The following FBLN5 variants were observed in gnomAD, a reference collection of about 807,000 sequenced individuals.
FBLN5 encodes the protein fibulin 5, also known as fibulin-5.
FBLN5 carries 24 observed loss-of-function variants against 61.6 expected under a neutral mutation model. That is an observed-to-expected ratio of 0.39 (90% CI 0.28 to 0.55). FBLN5 has a LOEUF of 0.55. Ranked by LOEUF, FBLN5 falls within the 20% of genes least tolerant of loss-of-function variation. FBLN5 has a pLI of 0.65. For missense variants in FBLN5, 470 were observed against 594.1 expected, an observed-to-expected ratio of 0.79 and a Z score of 2.17; for synonymous variants, 213 against 219.8, an observed-to-expected ratio of 0.97 and a Z score of 0.27.
chr14:91,906,890 A>G (rs927456466), intron 4 of FBLN5, among the ~76,000 whole-genome samples: 6 of 152,236 alleles, frequency 3.9e-5, no homozygotes, highest in African/African-American at 1.2e-4. Context: ...ATTCAAAGAT[A>G]AATGACACAC....
chr14:91,942,991 C>T (rs904145472), intron 1 of FBLN5, 30 bp from the exon 2 acceptor site: 20 of 1,461,990 alleles, frequency 1.4e-5, no homozygotes, highest in Non-Finnish European at 1.9e-5. Context: ...AATATAAATG[C>T]CCAAGACAGA....
intron 1 of FBLN5, chr14:91,946,681 T>C (rs1381304931): frequency 6.6e-7 from 1 of 1,510,702 alleles, no homozygotes. Flanking sequence ...AATTGCAATT[T>C]CCTTAAAGAA....
chr14:91,917,126 G>A (rs909581580), intron 4 of FBLN5, among the ~76,000 whole-genome samples: 7 of 152,154 alleles, frequency 4.6e-5, no homozygotes, highest in South Asian at 4.2e-4. Flanking sequence ...AGCTGCCAGC[G>A]GCCTCCACTT....
chr14:91,907,297 T>G (rs1469226614), intron 4 of FBLN5, among the ~76,000 whole-genome samples: 3 of 152,178 alleles, frequency 2.0e-5, no homozygotes, highest in Non-Finnish European at 4.4e-5. Context: ...AGCAGCCATT[T>G]TGGAACCAGA....
intron 4 of FBLN5, among the ~76,000 whole-genome samples, chr14:91,909,368 C>T (rs1181296510): frequency 6.6e-6 from 1 of 152,134 alleles, no homozygotes; most frequent in Non-Finnish European, 1.5e-5. Context: ...GTGCCTAATA[C>T]AGAATATTAA....
intron 4 of FBLN5, among the ~76,000 whole-genome samples, chr14:91,914,018 A>T (rs1258177585): frequency 6.6e-6 from 1 of 152,238 alleles, no homozygotes; most frequent in Non-Finnish European, 1.5e-5. Context: ...AGAAAGGCTT[A>T]CAGTTAATGA....
chr14:91,921,927 G>A (rs1481774725), intron 4 of FBLN5, among the ~76,000 whole-genome samples: 2 of 152,192 alleles, frequency 1.3e-5, no homozygotes, highest in African/African-American at 4.8e-5. Context: ...CCTAAAGCTG[G>A]CGGGCCCACA....
At chr14:91,909,286 C>T (rs966909728) in intron 4 of FBLN5, among the ~76,000 whole-genome samples, 30 of 152,290 alleles carry the variant, frequency 2.0e-4, no homozygotes, top group African/African-American at 6.5e-4. Flanking sequence ...AAACACTAGC[C>T]TAGCCATAAG....
chr14:91,922,925 C>G (rs906409013), intron 4 of FBLN5, among the ~76,000 whole-genome samples: 3 of 152,180 alleles, frequency 2.0e-5, no homozygotes, highest in Non-Finnish European at 4.4e-5. Context: ...CTAAAGGAGA[C>G]TTTGACCAGG....
chr14:91,884,779 C>T (rs138355084), intron 7 of FBLN5, among the ~76,000 whole-genome samples: 111 of 152,344 alleles, frequency 7.3e-4, no homozygotes, highest in African/African-American at 2.4e-3. Flanking sequence ...AGATGGAGAG[C>T]GTAGCACCTA....
chr14:91,883,454 G>A (rs1464369609), intron 7 of FBLN5, among the ~76,000 whole-genome samples: 1 of 151,868 alleles, frequency 6.6e-6, no homozygotes, highest in African/African-American at 2.4e-5. Context: ...TTGCCCACTG[G>A]GATTTTCTGG....
intron 4 of FBLN5, among the ~76,000 whole-genome samples, chr14:91,912,809 CAA>C (rs200501822): frequency 5.9e-4 from 55 of 93,014 alleles, no homozygotes; most frequent in Admixed American, 8.5e-4. Flanking sequence ...GACTCTGACT[CAA>C]AAAAAAAAAA....
At chr14:91,886,832 G>A (rs1889748437) in intron 7 of FBLN5, among the ~76,000 whole-genome samples, 1 of 152,106 alleles carries the variant, frequency 6.6e-6, no homozygotes, top group African/African-American at 2.4e-5. Flanking sequence ...CCCTCTGTAA[G>A]TACTTTCTGT....
intron 4 of FBLN5, among the ~76,000 whole-genome samples, chr14:91,904,152 G>A (rs1184390418): frequency 6.6e-6 from 1 of 152,162 alleles, no homozygotes; most frequent in Admixed American, 6.5e-5. Flanking sequence ...AGCAGGAAAA[G>A]GGCCTTATTC....
intron 4 of FBLN5, among the ~76,000 whole-genome samples, chr14:91,930,582 A>G (rs1475289352): frequency 6.6e-6 from 1 of 152,174 alleles, no homozygotes; most frequent in Non-Finnish European, 1.5e-5. Flanking sequence ...TCTCAGCCTG[A>G]GGACTGAGTT....
At chr14:91,934,008 A>G (rs1481407025) in intron 4 of FBLN5, among the ~76,000 whole-genome samples, 3 of 152,148 alleles carry the variant, frequency 2.0e-5, no homozygotes, top group Non-Finnish European at 2.9e-5. Flanking sequence ...GCTACTTGGG[A>G]GGCTGAAATG....
chr14:91,912,078 G>A (rs1374036120), intron 4 of FBLN5, among the ~76,000 whole-genome samples: 1 of 152,192 alleles, frequency 6.6e-6, no homozygotes, highest in East Asian at 1.9e-4. Context: ...TATAAATGTT[G>A]TTGTACTATC....
chr14:91,914,326 A>G (rs903778928), intron 4 of FBLN5, among the ~76,000 whole-genome samples: 16 of 151,954 alleles, frequency 1.1e-4, no homozygotes, highest in African/African-American at 3.4e-4. Flanking sequence ...AATACAAAAA[A>G]ATTTAGCCGA....
At chr14:91,921,776 C>T (rs1357466918) in intron 4 of FBLN5, among the ~76,000 whole-genome samples, 1 of 152,112 alleles carries the variant, frequency 6.6e-6, no homozygotes, top group Non-Finnish European at 1.5e-5. Context: ...ATGTGAAGAG[C>T]CAGGAGAGAG....
Sources: allele counts gnomAD v4.1 joint callset (sites outside exome capture counted in the v4.1 genomes callset), GRCh38; gene constraint gnomAD v4.1.1; transcripts MANE v1.5; gene names NCBI Gene and HGNC (gene_info 2026-07-23, HGNC 2026-07-21).